Variants in PPM1H observed in about 807,000 individuals in gnomAD.
PPM1H encodes protein phosphatase 1H.
A neutral mutation model predicts 54.9 loss-of-function variants in PPM1H; 27 were observed. The ratio of observed to expected loss-of-function variants is 0.49; its 90% CI spans 0.36 to 0.68. The LOEUF is 0.68. PPM1H is among the 30% of genes least tolerant of loss of function. The pLI is 0.00. For synonymous variants in PPM1H, 305 were observed against 270.8 expected (o/e 1.13, Z -1.24); for missense variants, 596 against 667.8 (o/e 0.89, Z 1.19).
chr12:62,727,637 A>ATATTAT (rs146320023), intron 5 of PPM1H, among the ~76,000 whole-genome samples: 13,082 of 139,646 alleles, frequency 0.094, 651 homozygotes, highest in South Asian at 0.13. Flanking sequence ...TAAAATGCAA[A>ATATTAT]TATTATTATT....
intron 1 of PPM1H, among the ~76,000 whole-genome samples, chr12:62,922,587 A>T (rs887629109): frequency 1.3e-5 from 2 of 152,222 alleles, no homozygotes; most frequent in South Asian, 2.1e-4. Flanking sequence ...GAGAGCATAA[A>T]GTCCACAGAA....
chr12:62,856,509 G>C (rs1299552105), intron 1 of PPM1H, among the ~76,000 whole-genome samples: 1 of 151,936 alleles, frequency 6.6e-6, no homozygotes, highest in Non-Finnish European at 1.5e-5. Context: ...ATGTATTACT[G>C]TTACTTCATC....
At chr12:62,931,300 A>G (rs1854588025) in intron 1 of PPM1H, among the ~76,000 whole-genome samples, 1 of 152,170 alleles carries the variant, frequency 6.6e-6, no homozygotes, top group African/African-American at 2.4e-5. Context: ...CTTCCTACCT[A>G]TTCAACCCCT....
chr12:62,650,676 G>GGATGGT (rs1355056526), intron 9 of PPM1H, among the ~76,000 whole-genome samples: 1 of 152,106 alleles, frequency 6.6e-6, no homozygotes, highest in African/African-American at 2.4e-5. Context: ...AAATCATGCC[G>GGATGGT]GATGGTGAAG....
chr12:62,851,491 T>A (rs1309402018), intron 1 of PPM1H, among the ~76,000 whole-genome samples: 1 of 151,912 alleles, frequency 6.6e-6, no homozygotes, highest in East Asian at 2.0e-4. Flanking sequence ...TCACCTGAGG[T>A]CAGGAGTTCA....
chr12:62,843,198 C>A (rs1005823057), intron 1 of PPM1H, among the ~76,000 whole-genome samples: 3 of 152,044 alleles, frequency 2.0e-5, no homozygotes, highest in Admixed American at 2.0e-4. Context: ...TGCGTATAGT[C>A]CCAGCTACTT....
Position 62,769,565 on chromosome 12 carries a change from A to C in PPM1H, c.869+18661T>G, listed in dbSNP as rs71465168. ...TGGGTTTGTTGGTCTTCTGACATTC[A>C]TTCAATGTCTTCTATGGGCAAAGGC... On this transcript the variant is annotated intron_variant, in intron 4 of 9. Transcript: ENST00000228705. Among the ~76,000 whole-genome samples, 200 of 152,354 alleles carry C rather than the reference A, an allele frequency of 1.3e-3. 1 individual carries two copies. The highest frequency in any genetic ancestry group is 2.6e-3 in the Non-Finnish European group (179 of 68,034).
intron 2 of PPM1H, among the ~76,000 whole-genome samples, chr12:62,812,170 A>G (rs1006763556): frequency 6.6e-6 from 1 of 152,106 alleles, no homozygotes; most frequent in African/African-American, 2.4e-5. Flanking sequence ...TAATTTGTTT[A>G]TTGCTTACTA....
At chr12:62,794,167 G>A (rs1444942077) in intron 3 of PPM1H, among the ~76,000 whole-genome samples, 2 of 152,156 alleles carry the variant, frequency 1.3e-5, no homozygotes, top group African/African-American at 4.8e-5. Context: ...GCCACCTGCC[G>A]GCTGCTGGTG....
At position 62,857,858 on chromosome 12, in the gene PPM1H, CAGTT is replaced by C. The variant is rs533686951; in HGVS notation, c.246-25583_246-25580del. Among the ~76,000 whole-genome samples the C allele has an allele frequency of 2.3e-4, 35 of 152,198 alleles. No homozygotes were observed. The South Asian group carries it at 6.5e-3, about 28-fold the overall frequency. ...ATTTTATTGTACTCATTTGAAGGCACAGTTAGTTTTCTTTGTGAGGGTTTCATGA... is the reference window on the plus strand; with the variant it reads ...ATTTTATTGTACTCATTTGAAGGCACAGTTTTCTTTGTGAGGGTTTCATGA... On this transcript the variant is annotated intron_variant, in intron 1 of 9. Coordinates refer to ENST00000228705, the MANE Select transcript of PPM1H (RefSeq NM_020700.2).
At chr12:62,876,986 C>A (rs961309331) in intron 1 of PPM1H, among the ~76,000 whole-genome samples, 3 of 152,186 alleles carry the variant, frequency 2.0e-5, no homozygotes. Flanking sequence ...GCCCATCTTA[C>A]GTACAAGTTT....
rs769926736 is a variant in PPM1H at position 62,802,002 on chromosome 12, G to T, written c.570C>A (p.Thr190=). ...TGTTCTCAGGCTCCTCCCCCAGGCA[G>T]GTAGGGGGCAGGACGGCGGAGTTCT... ...ILKNSAVLPP[T]CLGEEPENTP... Residue 190 remains threonine (T), a synonymous_variant, in exon 3 of 10, where the codon ACC becomes ACA. Transcript: ENST00000228705. 6 of 1,613,378 alleles carry T rather than the reference G, an allele frequency of 3.7e-6. No homozygotes were observed. The Admixed American group carries it at 8.3e-5, about 22-fold the overall frequency.
intron 3 of PPM1H, among the ~76,000 whole-genome samples, chr12:62,790,787 C>T (rs1442210190): frequency 6.6e-6 from 1 of 152,120 alleles, no homozygotes; most frequent in African/African-American, 2.4e-5. Flanking sequence ...ACAGCAGCAG[C>T]AAAAGCTGCA....
At chr12:62,763,452 C>T (rs2076522720) in intron 4 of PPM1H, among the ~76,000 whole-genome samples, 1 of 152,230 alleles carries the variant, frequency 6.6e-6, no homozygotes, top group Non-Finnish European at 1.5e-5. Context: ...AGATCACCTG[C>T]TTTGCATGCA....
chr12:62,649,303 A>G (rs184281955), intron 9 of PPM1H, among the ~76,000 whole-genome samples: 8 of 152,032 alleles, frequency 5.3e-5, no homozygotes, highest in Non-Finnish European at 1.5e-5. Context: ...CTCTTGACCA[A>G]TGTAAGTTCA....
intron 1 of PPM1H, among the ~76,000 whole-genome samples, chr12:62,916,613 C>T (rs962462371): frequency 2.6e-5 from 4 of 151,500 alleles, no homozygotes; most frequent in East Asian, 1.9e-4. Context: ...TAAGTGCAAA[C>T]ACCAAGAGTA....
At chr12:62,663,624 T>C (rs866791477) in intron 9 of PPM1H, among the ~76,000 whole-genome samples, 3 of 152,182 alleles carry the variant, frequency 2.0e-5, no homozygotes, top group Non-Finnish European at 4.4e-5. Context: ...ATTGGTATTA[T>C]GGTTATAATT....
chr12:62,884,560 T>G (rs1390174176), intron 1 of PPM1H, among the ~76,000 whole-genome samples: 1 of 148,120 alleles, frequency 6.8e-6, no homozygotes, highest in African/African-American at 2.5e-5. Context: ...AAATATCAGG[T>G]GTAATTTCAC....
chr12:62,911,977 T>C (rs1309669167), intron 1 of PPM1H, among the ~76,000 whole-genome samples: 1 of 152,230 alleles, frequency 6.6e-6, no homozygotes, highest in Non-Finnish European at 1.5e-5. Context: ...TGGTTCTTGT[T>C]AAATCCCAGA....
Sources: gnomAD v4.1 joint callset for allele counts (sites outside exome capture counted in the v4.1 genomes callset) on GRCh38, gnomAD v4.1.1 for gene constraint, MANE v1.5 for transcripts, NCBI Gene and HGNC (gene_info 2026-07-23, HGNC 2026-07-21) for gene names.